Variants in GALNTL6 observed in about 807,000 individuals in gnomAD.
GALNTL6 encodes polypeptide N-acetylgalactosaminyltransferase-like 6.
In GALNTL6, 46 loss-of-function variants were observed where a neutral mutation model predicts 73.7. That is an observed-to-expected ratio of 0.62 (90% CI 0.49 to 0.80). GALNTL6 has a LOEUF of 0.80. Among genes scored for constraint, GALNTL6 ranks in the 30% least tolerant of loss-of-function variants. The pLI is 0.00. For synonymous variants in GALNTL6, 259 were observed against 263.7 expected (o/e 0.98, Z 0.17); for missense variants, 604 against 755.0 (o/e 0.80, Z 2.34).
chr4:171,922,165 T>C (rs1737808802), intron 2 of GALNTL6, among the ~76,000 whole-genome samples: 1 of 151,984 alleles, frequency 6.6e-6, no homozygotes. Flanking sequence ...TTTCTTTTGT[T>C]TCCTTTCATG....
chr4:171,863,125 C>A (rs559120729), intron 2 of GALNTL6, among the ~76,000 whole-genome samples: 4 of 152,226 alleles, frequency 2.6e-5, no homozygotes, highest in Admixed American at 2.6e-4. Flanking sequence ...TGAAGGCAGA[C>A]ATGAAGTTGC....
chr4:172,007,537 A>T (rs1740876987), intron 2 of GALNTL6, among the ~76,000 whole-genome samples: 1 of 152,154 alleles, frequency 6.6e-6, no homozygotes. Context: ...AAATGAATAT[A>T]CAACAATATC....
chr4:172,350,421 T>C (rs199523464), intron 5 of GALNTL6, among the ~76,000 whole-genome samples: 3 of 152,148 alleles, frequency 2.0e-5, no homozygotes, highest in East Asian at 1.9e-4. Context: ...GTAGCAACTT[T>C]GGTGGACTAT....
intron 5 of GALNTL6, among the ~76,000 whole-genome samples, chr4:172,401,495 T>A (rs918740712): frequency 3.3e-5 from 5 of 152,136 alleles, no homozygotes; most frequent in Non-Finnish European, 7.4e-5. Flanking sequence ...TTCTAAAGGA[T>A]TTATGTCTCA....
chr4:172,061,188 G>T (rs1254471186), intron 2 of GALNTL6, among the ~76,000 whole-genome samples: 2 of 151,752 alleles, frequency 1.3e-5, no homozygotes, highest in African/African-American at 4.8e-5. Context: ...AACTTTTCAG[G>T]TCTTTTTTTC....
At position 173,040,948 on chromosome 4, in the gene GALNTL6, T is replaced by C. The variant is rs893800453; in HGVS notation, c.*848T>C. On this transcript the variant is annotated 3_prime_UTR_variant, in exon 13 of 13. Transcript: ENST00000506823. Reference sequence around the variant, plus strand: ...GAGAGGGACTTCCCTGGGAAATCTATTTTTACTTTTCTATTATTTTTAAAA... The same window carrying C: ...GAGAGGGACTTCCCTGGGAAATCTACTTTTACTTTTCTATTATTTTTAAAA... 1 of 152,552 alleles carries C rather than the reference T, an allele frequency of 6.6e-6. No individual in the cohort carries two copies. Among genetic ancestry groups the C allele is most frequent in the Non-Finnish European group, 1.5e-5 (1 of 68,038 alleles). 9.4% of individuals were successfully genotyped at this position (152,552 alleles called of 1,614,324 possible).
At chr4:172,882,938 C>A (rs1278404630) in intron 8 of GALNTL6, 31 bp downstream of exon 8, 1 of 1,158,552 alleles carries the variant, frequency 8.6e-7, no homozygotes. Flanking sequence ...CACACTATAT[C>A]TGTATAATTT....
chr4:172,722,035 T>C (rs76876122), intron 5 of GALNTL6, among the ~76,000 whole-genome samples: 6,837 of 151,774 alleles, frequency 0.045, 188 homozygotes, highest in South Asian at 0.13. Context: ...CTTTCAGTCC[T>C]GCACGAACAG....
intron 3 of GALNTL6, among the ~76,000 whole-genome samples, chr4:172,307,334 C>G (rs1415432364): frequency 6.6e-6 from 1 of 152,128 alleles, no homozygotes; most frequent in East Asian, 1.9e-4. Context: ...TTATATCTTT[C>G]ACTGCACAGA....
chr4:172,693,934 A>G (rs1484252026), intron 5 of GALNTL6, among the ~76,000 whole-genome samples: 1 of 152,198 alleles, frequency 6.6e-6, no homozygotes, highest in Non-Finnish European at 1.5e-5. Flanking sequence ...CACTATATGC[A>G]AATCACTGTG....
At chr4:172,302,063 C>A (rs941250314) in intron 3 of GALNTL6, among the ~76,000 whole-genome samples, 7 of 152,218 alleles carry the variant, frequency 4.6e-5, no homozygotes, top group Non-Finnish European at 1.0e-4. Flanking sequence ...CAAGGCTCAG[C>A]AATGGCGGGC....
At chr4:172,278,683 T>C (rs183553359) in intron 3 of GALNTL6, among the ~76,000 whole-genome samples, 86 of 152,278 alleles carry the variant, frequency 5.6e-4, no homozygotes, top group Middle Eastern at 3.4e-3. Flanking sequence ...AAAAAATGTA[T>C]ATTTCAATAT....
At chr4:171,886,838 A>T in intron 2 of GALNTL6, among the ~76,000 whole-genome samples, 1 of 152,206 alleles carries the variant, frequency 6.6e-6, no homozygotes, top group South Asian at 2.1e-4. Flanking sequence ...GAGAGAATAT[A>T]ATAATCCAGG....
intron 5 of GALNTL6, among the ~76,000 whole-genome samples, chr4:172,708,956 T>C (rs144360405): frequency 6.6e-5 from 10 of 152,334 alleles, no homozygotes; most frequent in Non-Finnish European, 1.0e-4. Context: ...ATTTTATCTT[T>C]TTCTGGAGAA....
intron 7 of GALNTL6, among the ~76,000 whole-genome samples, chr4:172,826,915 A>T (rs546053602): frequency 6.6e-6 from 1 of 152,302 alleles, no homozygotes; most frequent in East Asian, 1.9e-4. Context: ...TGCTCTGCTC[A>T]CCTTTCCTCC....
chr4:172,003,185 C>T (rs1275220958), intron 2 of GALNTL6, among the ~76,000 whole-genome samples: 2 of 151,972 alleles, frequency 1.3e-5, no homozygotes, highest in African/African-American at 4.8e-5. Flanking sequence ...AAAATACAGA[C>T]AATTTTGCAT....
intron 5 of GALNTL6, among the ~76,000 whole-genome samples, chr4:172,673,451 TG>T (rs1732104816): frequency 6.6e-6 from 1 of 152,188 alleles, no homozygotes; most frequent in Non-Finnish European, 1.5e-5. Context: ...TATTCTGTTT[TG>T]GGGGGATGGA....
At chr4:172,713,552 G>T (rs1165697674) in intron 5 of GALNTL6, among the ~76,000 whole-genome samples, 1 of 152,072 alleles carries the variant, frequency 6.6e-6, no homozygotes, top group Admixed American at 6.6e-5. Flanking sequence ...TCACCCAAAA[G>T]CACCATCGCA....
At chr4:172,810,153 C>A (rs1741207759) in intron 6 of GALNTL6, among the ~76,000 whole-genome samples, 2 of 152,178 alleles carry the variant, frequency 1.3e-5, no homozygotes, top group Non-Finnish European at 2.9e-5. Flanking sequence ...TAACACAGTG[C>A]AGCTGTCCAG....
Sources: gnomAD v4.1 joint callset for allele counts (sites outside exome capture counted in the v4.1 genomes callset) on GRCh38, gnomAD v4.1.1 for gene constraint, MANE v1.5 for transcripts, NCBI Gene and HGNC (gene_info 2026-07-23, HGNC 2026-07-21) for gene names.